Variants in PLEKHH2 observed in about 807,000 individuals in gnomAD.
PLEKHH2 encodes the protein pleckstrin homology domain-containing family H member 2.
In PLEKHH2, 129 loss-of-function variants were observed where a neutral mutation model predicts 187.9. That is an observed-to-expected ratio of 0.69 (90% CI 0.59 to 0.79). PLEKHH2 has a LOEUF of 0.79. PLEKHH2 is among the 30% of genes least tolerant of loss of function. The pLI, the probability that PLEKHH2 is intolerant of heterozygous loss-of-function variation, is 0.00. For synonymous variants in PLEKHH2, 686 were observed against 605.6 expected (o/e 1.13, Z -1.95); for missense variants, 2,076 against 1,751.2 (o/e 1.19, Z -3.31).
chr2:43,690,275 T>C (rs561242439), intron 3 of PLEKHH2, among the ~76,000 whole-genome samples: 9 of 152,354 alleles, frequency 5.9e-5, no homozygotes, highest in African/African-American at 2.2e-4. Flanking sequence ...GAAAGCCCAC[T>C]ATATTTCTTA....
chr2:43,695,081 T>A, intron 5 of PLEKHH2, 62 bp from the exon 6 acceptor site: 1 of 829,562 alleles, frequency 1.2e-6, no homozygotes, highest in Non-Finnish European at 1.8e-6. Context: ...AATATTATAA[T>A]TTATTAGTAC....
chr2:43,718,230 G>A (rs181105150), intron 15 of PLEKHH2, among the ~76,000 whole-genome samples: 61 of 152,200 alleles, frequency 4.0e-4, no homozygotes, highest in South Asian at 1.2e-3. Context: ...GTTTTTTAAA[G>A]AGTAAGTCAG....
chr2:43,651,118 C>G lies in PLEKHH2; in HGVS notation c.123+6322C>G, dbSNP rs1456557227. Among the ~76,000 whole-genome samples, 7 of 151,684 alleles carry G rather than the reference C, an allele frequency of 4.6e-5. 1 individual carries two copies. Among genetic ancestry groups the G allele is most frequent in the African/African-American group, 1.7e-4 (7 of 41,176 alleles). On this transcript the variant is annotated intron_variant, in intron 2 of 29. Coordinates refer to ENST00000282406, the MANE Select transcript of PLEKHH2 (RefSeq NM_172069.4). Reference sequence around the variant, plus strand: ...TACCCTTTATCAAAGTTTATCCTCACAACATAATTTTTTGGAGTTAAAATC... The same window carrying G: ...TACCCTTTATCAAAGTTTATCCTCAGAACATAATTTTTTGGAGTTAAAATC...
At chr2:43,638,894 A>T (rs1426194508) in intron 1 of PLEKHH2, among the ~76,000 whole-genome samples, 1 of 152,206 alleles carries the variant, frequency 6.6e-6, no homozygotes, top group African/African-American at 2.4e-5. Flanking sequence ...ACCAATTTGC[A>T]GTTCTGATTT....
At chr2:43,648,189 T>C (rs1666277870) in intron 2 of PLEKHH2, among the ~76,000 whole-genome samples, 1 of 151,946 alleles carries the variant, frequency 6.6e-6, no homozygotes, top group African/African-American at 2.4e-5. Context: ...TTTTTGTTTG[T>C]TTGTTTGTTT....
chr2:43,741,122 G>A, intron 21 of PLEKHH2, 79 bp downstream of exon 21: 2 of 1,273,254 alleles, frequency 1.6e-6, no homozygotes, highest in South Asian at 3.1e-5. Flanking sequence ...TTAACGATCT[G>A]CCAGGTACAT....
At chr2:43,738,219 A>G (rs1198529003) in intron 19 of PLEKHH2, 122 bp from the exon 20 acceptor site, 2 of 786,712 alleles carry the variant, frequency 2.5e-6, no homozygotes, top group Non-Finnish European at 3.8e-6. Flanking sequence ...TAGTGTTATC[A>G]TAATATATCC....
chr2:43,718,849 T>A (rs1293658747), intron 15 of PLEKHH2, among the ~76,000 whole-genome samples: 1 of 152,250 alleles, frequency 6.6e-6, no homozygotes, highest in African/African-American at 2.4e-5. Context: ...AATTGAAACA[T>A]GTCTCAAATG....
At chr2:43,647,883 TA>T (rs940115301) in intron 2 of PLEKHH2, among the ~76,000 whole-genome samples, 13 of 152,318 alleles carry the variant, frequency 8.5e-5, no homozygotes, top group Middle Eastern at 3.4e-3. Context: ...AGTTCCATTT[TA>T]TTAGTTATGG....
intron 3 of PLEKHH2, among the ~76,000 whole-genome samples, chr2:43,682,409 C>T (rs567961472): frequency 5.9e-5 from 9 of 152,134 alleles, no homozygotes; most frequent in South Asian, 2.1e-4. Flanking sequence ...TGAGTTCAAG[C>T]GATTCTCCTG....
chr2:43,714,562 C>G (rs1255540887), intron 15 of PLEKHH2, among the ~76,000 whole-genome samples: 1 of 152,146 alleles, frequency 6.6e-6, no homozygotes, highest in Non-Finnish European at 1.5e-5. Flanking sequence ...CTCAGGTTGT[C>G]ACATTGTTTT....
intron 16 of PLEKHH2, among the ~76,000 whole-genome samples, chr2:43,722,543 C>A (rs2104549789): frequency 6.6e-6 from 1 of 152,266 alleles, no homozygotes; most frequent in African/African-American, 2.4e-5. Context: ...TTCTAAACTT[C>A]AAGTAGATTC....
intron 2 of PLEKHH2, among the ~76,000 whole-genome samples, chr2:43,653,248 C>T (rs1187566399): frequency 6.6e-6 from 1 of 151,796 alleles, no homozygotes; most frequent in Non-Finnish European, 1.5e-5. Context: ...TCATAATGAA[C>T]GTTTAGAATA....
At chr2:43,723,546 T>C (rs1670589399) in intron 16 of PLEKHH2, among the ~76,000 whole-genome samples, 1 of 152,178 alleles carries the variant, frequency 6.6e-6, no homozygotes, top group Non-Finnish European at 1.5e-5. Context: ...CTTCCCATCT[T>C]GACAAGAATC....
At chr2:43,734,924 G>A (rs1671218640) in intron 19 of PLEKHH2, among the ~76,000 whole-genome samples, 1 of 152,210 alleles carries the variant, frequency 6.6e-6, no homozygotes, top group Non-Finnish European at 1.5e-5. Context: ...CACTTTGGGA[G>A]GCCAAGGCAG....
intron 29 of PLEKHH2, among the ~76,000 whole-genome samples, chr2:43,764,741 G>T (rs1440808295): frequency 6.6e-6 from 1 of 152,152 alleles, no homozygotes; most frequent in Non-Finnish European, 1.5e-5. Flanking sequence ...TTCACTTGAG[G>T]TTATTTGCTT....
intron 10 of PLEKHH2, among the ~76,000 whole-genome samples, chr2:43,706,661 C>A (rs887927335): frequency 1.4e-4 from 21 of 152,138 alleles, no homozygotes; most frequent in African/African-American, 5.1e-4. Flanking sequence ...CCCCCACCTC[C>A]CCATGGCCAT....
intron 7 of PLEKHH2, among the ~76,000 whole-genome samples, chr2:43,698,194 G>T (rs372407134): frequency 4.0e-5 from 6 of 151,402 alleles, no homozygotes; most frequent in African/African-American, 1.5e-4. Flanking sequence ...CAATCCGAAG[G>T]CTCCTTTGCT....
chr2:43,670,085 T>C (rs564592261), intron 2 of PLEKHH2, among the ~76,000 whole-genome samples: 22 of 152,314 alleles, frequency 1.4e-4, no homozygotes, highest in African/African-American at 5.3e-4. Flanking sequence ...AGGCATATTT[T>C]TCATCAAAAT....
Sources: gnomAD v4.1 joint callset for allele counts (sites outside exome capture counted in the v4.1 genomes callset) on GRCh38, gnomAD v4.1.1 for gene constraint, MANE v1.5 for transcripts, NCBI Gene and HGNC (gene_info 2026-07-23, HGNC 2026-07-21) for gene names.